CDH4: variants seen among roughly 807,000 people sequenced by gnomAD.
The protein encoded by CDH4 is cadherin-4.
A neutral mutation model predicts 86.0 loss-of-function variants in CDH4; 33 were observed. The observed-to-expected ratio is 0.38, with a 90% CI of 0.29 to 0.51. The LOEUF (loss-of-function observed/expected upper bound fraction) is 0.51, where lower values mean the gene tolerates loss of function less well. CDH4 is among the 20% of genes least tolerant of loss of function. CDH4 has a pLI of 0.86. For missense variants in CDH4, 1,114 were observed against 1,307.4 expected, an observed-to-expected ratio of 0.85 and a Z score of 2.28; for synonymous variants, 555 against 549.4, an observed-to-expected ratio of 1.01 and a Z score of -0.14.
At chr20:61,555,965 AAGAC>A (rs1419281587) in intron 2 of CDH4, among the ~76,000 whole-genome samples, 6 of 152,214 alleles carry the variant, frequency 3.9e-5, no homozygotes, top group African/African-American at 1.2e-4. Context: ...GTATTAAAGA[AAGAC>A]AGCACATTGT....
intron 2 of CDH4, among the ~76,000 whole-genome samples, chr20:61,424,409 G>A (rs898969553): frequency 6.6e-6 from 1 of 151,402 alleles, no homozygotes; most frequent in East Asian, 1.9e-4. Context: ...CAGCACACAT[G>A]TATCCACACA....
chr20:61,918,796 C>A (rs1029807587), intron 9 of CDH4, among the ~76,000 whole-genome samples: 8 of 152,140 alleles, frequency 5.3e-5, no homozygotes, highest in Non-Finnish European at 8.8e-5. Context: ...CCCTGCAGAC[C>A]CTCCTGGAGG....
At chr20:61,428,860 G>C (rs1046697042) in intron 2 of CDH4, among the ~76,000 whole-genome samples, 1 of 152,208 alleles carries the variant, frequency 6.6e-6, no homozygotes, top group Non-Finnish European at 1.5e-5. Context: ...GAGCAGGCGA[G>C]CTTTCCAGCT....
intron 2 of CDH4, among the ~76,000 whole-genome samples, chr20:61,665,588 C>T (rs1040858175): frequency 6.6e-6 from 1 of 152,208 alleles, no homozygotes; most frequent in East Asian, 1.9e-4. Flanking sequence ...ATGAAGCTCA[C>T]GTCCCAGGCG....
At chr20:61,797,446 G>A (rs1009082025) in intron 4 of CDH4, among the ~76,000 whole-genome samples, 1 of 152,244 alleles carries the variant, frequency 6.6e-6, no homozygotes, top group East Asian at 1.9e-4. Context: ...TGGCTTACAT[G>A]AAGCTGGGGT....
At chr20:61,363,185 A>T (rs2084793642) in intron 2 of CDH4, among the ~76,000 whole-genome samples, 1 of 152,164 alleles carries the variant, frequency 6.6e-6, no homozygotes, top group African/African-American at 2.4e-5. Flanking sequence ...GACCTGATGC[A>T]CATGTGTGAG....
chr20:61,725,741 G>C (rs755124238), intron 2 of CDH4, among the ~76,000 whole-genome samples: 21 of 151,320 alleles, frequency 1.4e-4, no homozygotes, highest in Non-Finnish European at 3.1e-4. Context: ...CACAAGGGGG[G>C]AGGAGGCCAG....
At chr20:61,655,692 C>T (rs2087179733) in intron 2 of CDH4, among the ~76,000 whole-genome samples, 1 of 152,210 alleles carries the variant, frequency 6.6e-6, no homozygotes, top group Non-Finnish European at 1.5e-5. Flanking sequence ...TGAAAGCAGC[C>T]TCCGTGGGTC....
chr20:61,796,940 G>A (rs1025231152), intron 4 of CDH4, among the ~76,000 whole-genome samples: 5 of 152,266 alleles, frequency 3.3e-5, no homozygotes, highest in African/African-American at 7.2e-5. Context: ...TGAGGCTCGC[G>A]TGCCCATGCC....
At chr20:61,464,597 A>G (rs866597240) in intron 2 of CDH4, among the ~76,000 whole-genome samples, 1 of 152,224 alleles carries the variant, frequency 6.6e-6, no homozygotes, top group Non-Finnish European at 1.5e-5. Context: ...TGATTTGGGC[A>G]ATTTTGGACA....
chr20:61,353,681 T>TCCCCTTC (rs2084728712), intron 2 of CDH4, among the ~76,000 whole-genome samples: 1 of 25,984 alleles, frequency 3.8e-5, no homozygotes, highest in Non-Finnish European at 6.9e-5. Context: ...CCCCTCCTCC[T>TCCCCTTC]CCCCCTCCTC....
At chr20:61,624,149 C>G (rs2086806221) in intron 2 of CDH4, among the ~76,000 whole-genome samples, 1 of 152,158 alleles carries the variant, frequency 6.6e-6, no homozygotes, top group Admixed American at 6.5e-5. Context: ...GGGTAAAACT[C>G]CATGACCCAA....
intron 2 of CDH4, among the ~76,000 whole-genome samples, chr20:61,613,036 G>C (rs1054593162): frequency 6.6e-6 from 1 of 152,066 alleles, no homozygotes; most frequent in East Asian, 1.9e-4. Context: ...AGAGGTCCCT[G>C]CTTGCCCAGG....
intron 8 of CDH4, among the ~76,000 whole-genome samples, chr20:61,909,845 A>T (rs1740355): frequency 6.6e-6 from 1 of 152,096 alleles, no homozygotes; most frequent in Admixed American, 6.5e-5. Context: ...ATCTTCGGGG[A>T]CACCATTCAA....
In CDH4 at chr20:61,676,182, A is replaced by T. The variant is rs1161009122; in HGVS notation, c.170-67381A>T. Among the ~76,000 whole-genome samples, 2 of 152,174 alleles carry T rather than the reference A, an allele frequency of 1.3e-5. No homozygotes were observed. Among genetic ancestry groups the T allele is most frequent in the African/African-American group, 4.8e-5 (2 of 41,446 alleles). ...CGAATTTGCACGTGCAGAAAATCAC[A>T]TCCTTCCGTCATTCCCATTAACATT... On this transcript the variant is annotated intron_variant, in intron 2 of 15. Transcript: ENST00000614565. The surrounding 1 kb of genome is among the most constrained non-coding windows in gnomAD (Gnocchi z 4.5).
Position 61,678,877 on chromosome 20 carries a change from G to C in CDH4, c.170-64686G>C, listed in dbSNP as rs1385733275. 3.9e-5 allele frequency among the ~76,000 whole-genome samples: 6 copies of C among 152,298 alleles called. No homozygotes were observed. The East Asian group carries it at 1.2e-3, about 29-fold the overall frequency. On this transcript the variant is annotated intron_variant, in intron 2 of 15. Coordinates refer to ENST00000614565, the MANE Select transcript of CDH4 (RefSeq NM_001794.5). Reference sequence around the variant, plus strand: ...TCCAGCATGAGCTCCAACTCTCCTTGCCTCTAATTACACTGGCAGATAAGG... The same window carrying C: ...TCCAGCATGAGCTCCAACTCTCCTTCCCTCTAATTACACTGGCAGATAAGG...
At chr20:61,632,628 C>G (rs186440671) in intron 2 of CDH4, among the ~76,000 whole-genome samples, 13 of 151,962 alleles carry the variant, frequency 8.6e-5, no homozygotes, top group African/African-American at 3.1e-4. Flanking sequence ...CTGCTCACAT[C>G]CATCCATTTC....
chr20:61,392,701 A>G lies in CDH4; in HGVS notation c.169+137764A>G, dbSNP rs976244117. Among the ~76,000 whole-genome samples, 4 of 152,110 alleles carry G rather than the reference A, an allele frequency of 2.6e-5. No homozygotes were observed. The highest frequency in any genetic ancestry group is 4.8e-5 in the African/African-American group (2 of 41,420). ...GTTCTCATCTTCTGATTCAAAAGAC[A>G]TTTTCCCGTGCTGTTAAATTTGAAC... On this transcript the variant is annotated intron_variant, in intron 2 of 15. Coordinates refer to ENST00000614565, the MANE Select transcript of CDH4 (RefSeq NM_001794.5). The surrounding 1 kb of genome is among the most constrained non-coding windows in gnomAD (Gnocchi z 5.7).
intron 6 of CDH4, among the ~76,000 whole-genome samples, chr20:61,856,592 CT>C (rs149119462): frequency 2.7e-4 from 41 of 151,114 alleles, no homozygotes; most frequent in Non-Finnish European, 5.9e-5. Context: ...CCCCAGCCCC[CT>C]AGAATCCATG....
Sources: allele counts gnomAD v4.1 joint callset (sites outside exome capture counted in the v4.1 genomes callset), GRCh38; gene constraint gnomAD v4.1.1; non-coding constraint Gnocchi (gnomAD v3.1); transcripts MANE v1.5; gene names NCBI Gene and HGNC (gene_info 2026-07-23, HGNC 2026-07-21).